The following RNGTT variants were observed in gnomAD, a reference collection of about 807,000 sequenced individuals.
RNGTT encodes mRNA-capping enzyme.
RNGTT carries 33 observed loss-of-function variants against 79.3 expected under a neutral mutation model. The ratio of observed to expected loss-of-function variants is 0.42; its 90% CI spans 0.32 to 0.56. The LOEUF (loss-of-function observed/expected upper bound fraction) is 0.56, where lower values mean the gene tolerates loss of function less well. RNGTT is among the 20% of genes least tolerant of loss of function. The pLI is 0.17. For missense variants in RNGTT, 497 were observed against 739.1 expected, an observed-to-expected ratio of 0.67 and a Z score of 3.80; for synonymous variants, 222 against 235.9, an observed-to-expected ratio of 0.94 and a Z score of 0.54.
intron 1 of RNGTT, among the ~76,000 whole-genome samples, chr6:88,954,458 A>C (rs1334390865): frequency 3.3e-5 from 5 of 152,192 alleles, no homozygotes; most frequent in Non-Finnish European, 7.3e-5. Flanking sequence ...ATATGCACCT[A>C]ACCCTGGAGC....
chr6:88,698,195 T>G (rs1395227587), intron 13 of RNGTT, among the ~76,000 whole-genome samples: 2 of 113,282 alleles, frequency 1.8e-5, no homozygotes, highest in Admixed American at 1.9e-4. Flanking sequence ...ATATGAAATA[T>G]ATATGATATA....
At chr6:88,943,803 C>T (rs1784924329) in intron 1 of RNGTT, among the ~76,000 whole-genome samples, 1 of 152,180 alleles carries the variant, frequency 6.6e-6, no homozygotes. Flanking sequence ...AGTGGATCAA[C>T]ATAATTAGTC....
At chr6:88,634,102 C>A (rs189779222) in intron 14 of RNGTT, among the ~76,000 whole-genome samples, 1 of 152,108 alleles carries the variant, frequency 6.6e-6, no homozygotes, top group African/African-American at 2.4e-5. Flanking sequence ...CCTTTTGTAT[C>A]CAGTGCACTG....
intron 14 of RNGTT, among the ~76,000 whole-genome samples, chr6:88,652,723 G>C (rs1386996895): frequency 6.6e-6 from 1 of 152,172 alleles, no homozygotes; most frequent in Non-Finnish European, 1.5e-5. Context: ...TGTTCACAAT[G>C]TGCATGTTGT....
At chr6:88,944,406 C>T (rs1784943194) in intron 1 of RNGTT, among the ~76,000 whole-genome samples, 1 of 152,190 alleles carries the variant, frequency 6.6e-6, no homozygotes, top group African/African-American at 2.4e-5. Flanking sequence ...TAGGCAGAAA[C>T]TTGCCTTGCC....
intron 8 of RNGTT, among the ~76,000 whole-genome samples, chr6:88,888,767 C>T (rs1582586580): frequency 1.3e-5 from 2 of 152,320 alleles, no homozygotes; most frequent in East Asian, 3.9e-4. Flanking sequence ...CGGTGGCTCA[C>T]ACCTGTAATC....
At chr6:88,655,547 G>A (rs1196763651) in intron 14 of RNGTT, among the ~76,000 whole-genome samples, 1 of 152,048 alleles carries the variant, frequency 6.6e-6, no homozygotes, top group Non-Finnish European at 1.5e-5. Context: ...TACTCAGCAG[G>A]GACAGAACCA....
At chr6:88,719,211 GCTTA>G (rs1385231855) in intron 13 of RNGTT, among the ~76,000 whole-genome samples, 1 of 152,088 alleles carries the variant, frequency 6.6e-6, no homozygotes, top group Non-Finnish European at 1.5e-5. Context: ...ATCAATAAAT[GCTTA>G]CTTAATGAAG....
intron 6 of RNGTT, among the ~76,000 whole-genome samples, chr6:88,896,299 T>C (rs1783244699): frequency 6.6e-6 from 1 of 152,082 alleles, no homozygotes; most frequent in Non-Finnish European, 1.5e-5. Flanking sequence ...CAAGATAACA[T>C]CCTACTCCAG....
chr6:88,851,919 T>C (rs1302736248), intron 9 of RNGTT, among the ~76,000 whole-genome samples: 3 of 152,014 alleles, frequency 2.0e-5, no homozygotes, highest in Non-Finnish European at 4.4e-5. Flanking sequence ...TGAGGTGAAA[T>C]AAATAGTATT....
At chr6:88,646,853 G>A (rs1342913270) in intron 14 of RNGTT, among the ~76,000 whole-genome samples, 1 of 151,924 alleles carries the variant, frequency 6.6e-6, no homozygotes, top group African/African-American at 2.4e-5. Context: ...TGGGGTGGGG[G>A]GAGTGGGGAG....
intron 13 of RNGTT, among the ~76,000 whole-genome samples, chr6:88,732,519 T>C (rs944132189): frequency 9.9e-5 from 15 of 152,214 alleles, no homozygotes; most frequent in Non-Finnish European, 1.8e-4. Context: ...TTACCCAAAA[T>C]AACTAAAAAC....
chr6:88,699,865 C>G (rs1423135662), intron 13 of RNGTT, among the ~76,000 whole-genome samples: 1 of 152,036 alleles, frequency 6.6e-6, no homozygotes, highest in Non-Finnish European at 1.5e-5. Context: ...ACAGAATATG[C>G]AAACTCACAA....
At chr6:88,794,644 C>G (rs75743403) in intron 12 of RNGTT, among the ~76,000 whole-genome samples, 1 of 152,008 alleles carries the variant, frequency 6.6e-6, no homozygotes, top group Non-Finnish European at 1.5e-5. Context: ...AACCACAGCC[C>G]ATAGATTTTG....
At chr6:88,612,938 C>A in intron 15 of RNGTT, 56 bp from the exon 16 acceptor site, 1 of 1,519,540 alleles carries the variant, frequency 6.6e-7, no homozygotes, top group Non-Finnish European at 9.0e-7. Flanking sequence ...AGCTGACTCA[C>A]CACAGGCTTA....
rs1424122651 is a variant in RNGTT at position 88,710,404 on chromosome 6, T to TG, written c.1440-31986dup. On this transcript the variant is annotated intron_variant, in intron 13 of 15. Coordinates refer to ENST00000369485, the MANE Select transcript of RNGTT (RefSeq NM_003800.5). ...AGTTCTTAAAAGAAATCATGACTAA[T>TG]GGACTTATTATACTAAAGAAAGGGA... Among the ~76,000 whole-genome samples the TG allele has an allele frequency of 2.6e-5, 4 of 152,348 alleles. No individual in the cohort carries two copies. In the East Asian group the frequency reaches 5.8e-4, roughly 22 times the overall value.
intron 11 of RNGTT, among the ~76,000 whole-genome samples, chr6:88,809,554 T>C (rs961206235): frequency 1.1e-4 from 16 of 152,180 alleles, no homozygotes; most frequent in Non-Finnish European, 2.4e-4. Flanking sequence ...TTAAATTAGA[T>C]GTCAATATTT....
intron 14 of RNGTT, among the ~76,000 whole-genome samples, chr6:88,672,601 A>G (rs1774697222): frequency 6.6e-6 from 1 of 152,174 alleles, no homozygotes; most frequent in South Asian, 2.1e-4. Flanking sequence ...CATTGGGTAC[A>G]TTGTACACTG....
intron 11 of RNGTT, among the ~76,000 whole-genome samples, chr6:88,842,823 G>A (rs555163938): frequency 6.6e-6 from 1 of 152,268 alleles, no homozygotes; most frequent in Admixed American, 6.5e-5. Context: ...TGTAATCCCA[G>A]CACTTTGGGA....
Sources: allele counts gnomAD v4.1 joint callset (sites outside exome capture counted in the v4.1 genomes callset), GRCh38; gene constraint gnomAD v4.1.1; transcripts MANE v1.5; gene names NCBI Gene and HGNC (gene_info 2026-07-23, HGNC 2026-07-21).